Variants in PPP4R4 observed in about 807,000 individuals in gnomAD.
PPP4R4 encodes the protein serine/threonine-protein phosphatase 4 regulatory subunit 4.
PPP4R4 carries 70 observed loss-of-function variants against 121.8 expected under a neutral mutation model. That is an observed-to-expected ratio of 0.57 (90% CI 0.47 to 0.70). PPP4R4 has a LOEUF of 0.70. Among genes scored for constraint, PPP4R4 ranks in the 30% least tolerant of loss-of-function variants. The pLI is 0.00. For missense variants in PPP4R4, 875 were observed against 1,033.6 expected (o/e 0.85, Z 2.10); for synonymous variants, 348 against 355.7 (o/e 0.98, Z 0.24).
At position 94,265,038 on chromosome 14, in the gene PPP4R4, A is replaced by G; in HGVS notation, c.2197+91A>G. 5 of 1,119,278 alleles carry G rather than the reference A, an allele frequency of 4.5e-6. No homozygotes were observed. In the South Asian group the frequency reaches 4.5e-5, roughly 10 times the overall value. The allele number at this position is 1,119,278 out of a possible 1,614,324, so 69.3% of individuals were successfully genotyped here. A position where few individuals can be genotyped will look rare whatever the true frequency, so the allele number is the denominator to read the frequency against. On this transcript the variant is annotated intron_variant, in intron 20 of 24. Coordinates refer to ENST00000304338, the MANE Select transcript of PPP4R4 (RefSeq NM_058237.2). ...AAGACCATGCTGAATTTTTTATTTG[A>G]TATGGAAAATTGCTTTACTTTCTTT...
intron 3 of PPP4R4, among the ~76,000 whole-genome samples, chr14:94,219,065 TTTTTC>T (rs753832010): frequency 0.011 from 1,680 of 146,476 alleles, 19 homozygotes; most frequent in South Asian, 0.04. Flanking sequence ...ATCTTTTTTT[TTTTTC>T]TTTTCTTTTC....
rs376794046 is a variant in PPP4R4, at chr14:94,265,782, T to C, written c.2285-12T>C. On this transcript the variant is annotated splice_polypyrimidine_tract_variant and intron_variant, in intron 21 of 24. Transcript: ENST00000304338. ...CTGAATACATTTTTCTTTTTTCTGC[T>C]TATTGCTCTAGGTAAAGAAATCAAG... The C allele has an allele frequency of 3.8e-5, 60 of 1,575,290 alleles. No individual in the cohort carries two copies. In the Middle Eastern group the frequency reaches 8.3e-4, roughly 22 times the overall value.
intron 2 of PPP4R4, among the ~76,000 whole-genome samples, chr14:94,185,683 T>G (rs895530840): frequency 6.6e-6 from 1 of 152,224 alleles, no homozygotes; most frequent in South Asian, 2.1e-4. Flanking sequence ...TATTTTACTT[T>G]GGATATATAG....
At position 94,231,269 on chromosome 14, in the gene PPP4R4, T is replaced by C. The variant is rs755840050; in HGVS notation, c.470T>C (p.Leu157Pro). 6.2e-7 allele frequency: 1 copy of C among 1,612,618 alleles called. No individual in the cohort carries two copies. The highest frequency in any genetic ancestry group is 8.5e-7 in the Non-Finnish European group (1 of 1,178,866). The change falls in exon 5 of 25, where the codon CTT (leucine) becomes CCT (proline). Residue 157 changes from leucine (L) to proline (P), a missense_variant. Transcript: ENST00000304338. ...GTCAGCAATGCATGGCTGGAAACTC[T>C]TCTGTCTGTTATAGAAGTATTGCCA... Reference protein sequence around the residue: ...TGVSNAWLETLLSVIEVLPKE... With the variant: ...TGVSNAWLETPLSVIEVLPKE...
At chr14:94,182,257 G>A (rs886270401) in intron 2 of PPP4R4, among the ~76,000 whole-genome samples, 3 of 152,254 alleles carry the variant, frequency 2.0e-5, no homozygotes, top group African/African-American at 7.2e-5. Flanking sequence ...ACTTTCATAA[G>A]CTTATATTTT....
chr14:94,270,791 A>G (rs1325497264), intron 23 of PPP4R4, among the ~76,000 whole-genome samples: 1 of 151,822 alleles, frequency 6.6e-6, no homozygotes, highest in Admixed American at 6.6e-5. Context: ...GGTGGTGTGC[A>G]CCTATGGTCC....
In PPP4R4 at chr14:94,251,784, C is replaced by T. The variant is rs1006379723; in HGVS notation, c.1753C>T (p.Arg585Ter). 2.5e-6 allele frequency: 4 copies of T among 1,575,754 alleles called. No homozygotes were observed. Among genetic ancestry groups the T allele is most frequent in the African/African-American group, 1.4e-5 (1 of 72,864 alleles). ...GQGKSYWNRL[R>*]FLDTCEFIIE... ...AGGAAAAAGTTACTGGAATAGACTT[C>T]GATTTTTGGATACCTGTGAATTTAT... is the stretch of plus-strand genomic sequence containing the variant. The change falls in exon 16 of 25, where the codon CGA becomes TGA. Residue 585 changes from arginine (R) to a stop codon, truncating the protein, a stop_gained. Transcript: ENST00000304338. LOFTEE classifies it high-confidence loss of function.
At chr14:94,239,558 A>G (rs1484820251) in intron 8 of PPP4R4, among the ~76,000 whole-genome samples, 5 of 152,040 alleles carry the variant, frequency 3.3e-5, no homozygotes, top group Non-Finnish European at 7.4e-5. Flanking sequence ...CCTTTACACC[A>G]GGGGTTGGCA....
chr14:94,257,856 A>G (rs901125179), intron 17 of PPP4R4, among the ~76,000 whole-genome samples: 24 of 152,104 alleles, frequency 1.6e-4, no homozygotes, highest in Non-Finnish European at 1.5e-4. Flanking sequence ...ATGTAATAAA[A>G]TTAATGGATT....
At chr14:94,199,397 T>C (rs1890048558) in intron 2 of PPP4R4, among the ~76,000 whole-genome samples, 1 of 151,950 alleles carries the variant, frequency 6.6e-6, no homozygotes, top group Non-Finnish European at 1.5e-5. Flanking sequence ...TGTCTAGAGG[T>C]AGATGTTTAG....
intron 3 of PPP4R4, among the ~76,000 whole-genome samples, chr14:94,214,769 A>T (rs1013469895): frequency 1.3e-5 from 2 of 152,156 alleles, no homozygotes; most frequent in Admixed American, 6.5e-5. Flanking sequence ...CTAATCCTCA[A>T]ATCCAAAATC....
intron 23 of PPP4R4, among the ~76,000 whole-genome samples, chr14:94,269,657 GAAA>G (rs768053231): frequency 7.3e-6 from 1 of 137,332 alleles, no homozygotes; most frequent in Non-Finnish European, 1.6e-5. Flanking sequence ...TCCATCTCCA[GAAA>G]AAAAAAAAAC....
chr14:94,196,114 T>G (rs1403655992), intron 2 of PPP4R4, among the ~76,000 whole-genome samples: 5 of 151,622 alleles, frequency 3.3e-5, no homozygotes, highest in African/African-American at 1.2e-4. Context: ...TCAGTATTGG[T>G]TATATTGGAT....
chr14:94,202,014 C>T (rs1890216534), intron 2 of PPP4R4, among the ~76,000 whole-genome samples: 1 of 151,292 alleles, frequency 6.6e-6, no homozygotes, highest in African/African-American at 2.4e-5. Context: ...TTGCAGCAAC[C>T]TTGATGGAGA....
At chr14:94,190,209 G>A (rs927907606) in intron 2 of PPP4R4, among the ~76,000 whole-genome samples, 74 of 151,938 alleles carry the variant, frequency 4.9e-4, no homozygotes, top group African/African-American at 1.7e-3. Flanking sequence ...AATAACTGTC[G>A]GCTACTATTC....
chr14:94,256,973 A>G (rs1214899936), intron 17 of PPP4R4, among the ~76,000 whole-genome samples: 1 of 152,102 alleles, frequency 6.6e-6, no homozygotes, highest in Non-Finnish European at 1.5e-5. Flanking sequence ...ATTTTATAGA[A>G]ACTTATCCCT....
In PPP4R4 at chr14:94,215,432, A is replaced by G. The variant is rs113670183; in HGVS notation, c.294+6866A>G. ...CAGGGATCTGTCTTCCTCACTGAAG[A>G]TGATGTGTTCTGAGATAAGCATAAT... On this transcript the variant is annotated intron_variant, in intron 3 of 24. Transcript: ENST00000304338. Among the ~76,000 whole-genome samples the G allele has an allele frequency of 8.0e-3, 1,220 of 152,326 alleles. 16 individuals carry two copies. The highest frequency in any genetic ancestry group is 0.028 in the African/African-American group (1,150 of 41,578).
chr14:94,265,300 T>A lies in PPP4R4; in HGVS notation c.2198-87T>A, dbSNP rs1175937608. ...AAGCTGCTTAGCTAGGGATAGTGAT[T>A]CATATTGTCTGAGTTGTCTTGTGTA... is the stretch of plus-strand genomic sequence containing the variant. On this transcript the variant is annotated intron_variant, in intron 20 of 24. Transcript: ENST00000304338. 40 of 917,976 alleles carry A rather than the reference T, an allele frequency of 4.4e-5. No homozygotes were observed. The East Asian group carries it at 7.2e-4, about 17-fold the overall frequency. The allele number at this position is 917,976 out of a possible 1,614,324, so 56.9% of individuals were successfully genotyped here.
At chr14:94,234,777 T>C (rs1333340574) in intron 7 of PPP4R4, 108 bp downstream of exon 7, 1 of 783,728 alleles carries the variant, frequency 1.3e-6, no homozygotes, top group Non-Finnish European at 2.1e-6. Flanking sequence ...TATGTCTGGA[T>C]TAAAAGAGAT....
Sources: gnomAD v4.1 joint callset for allele counts (sites outside exome capture counted in the v4.1 genomes callset) on GRCh38, gnomAD v4.1.1 for gene constraint, MANE v1.5 for transcripts, NCBI Gene and HGNC (gene_info 2026-07-23, HGNC 2026-07-21) for gene names.